The following SDK1 variants were observed in gnomAD, a reference collection of about 807,000 sequenced individuals.
SDK1 encodes the protein protein sidekick-1.
In SDK1, 157 loss-of-function variants were observed where a neutral mutation model predicts 245.5. The ratio of observed to expected loss-of-function variants is 0.64; its 90% CI spans 0.56 to 0.73. The LOEUF is 0.73. SDK1 is among the 30% of genes least tolerant of loss of function. The probability of loss-of-function intolerance (pLI) is 0.00; values close to 1 mark genes in which losing one functional copy is unlikely to be tolerated. For missense variants in SDK1, 3,583 were observed against 3,002.3 expected (o/e 1.19, Z -4.52); for synonymous variants, 1,647 against 1,278.5 (o/e 1.29, Z -6.15).
intron 41 of SDK1, among the ~76,000 whole-genome samples, chr7:4,234,470 A>G (rs915457507): frequency 5.3e-5 from 8 of 152,114 alleles, no homozygotes; most frequent in African/African-American, 1.7e-4. Flanking sequence ...GGGAATCAGG[A>G]AGGTGCCCAA....
At chr7:3,903,253 C>T (rs1206940155) in intron 5 of SDK1, among the ~76,000 whole-genome samples, 1 of 151,536 alleles carries the variant, frequency 6.6e-6, no homozygotes, top group Non-Finnish European at 1.5e-5. Context: ...ACTCCATTCT[C>T]CTGCCTCAGC....
intron 5 of SDK1, among the ~76,000 whole-genome samples, chr7:3,869,382 C>T (rs144183120): frequency 0.046 from 7,004 of 152,148 alleles, 508 homozygotes; most frequent in African/African-American, 0.15. Flanking sequence ...TCTCAAACTC[C>T]TGGCCTCAGG....
intron 5 of SDK1, among the ~76,000 whole-genome samples, chr7:3,880,080 G>A (rs746617708): frequency 2.0e-5 from 3 of 152,178 alleles, no homozygotes; most frequent in African/African-American, 4.8e-5. Flanking sequence ...TGGATGCCAA[G>A]GTCAATCATC....
chr7:3,451,376 G>C (rs1262661573), intron 1 of SDK1, among the ~76,000 whole-genome samples: 1 of 152,088 alleles, frequency 6.6e-6, no homozygotes, highest in African/African-American at 2.4e-5. Context: ...GGCCAGGGAA[G>C]AATGCGAATA....
At chr7:3,990,422 C>T (rs1784208506) in intron 14 of SDK1, among the ~76,000 whole-genome samples, 1 of 152,142 alleles carries the variant, frequency 6.6e-6, no homozygotes, top group Non-Finnish European at 1.5e-5. Flanking sequence ...TCTTAGCTTC[C>T]ATTCAACGGC....
intron 5 of SDK1, among the ~76,000 whole-genome samples, chr7:3,884,071 G>GTTTTTTTTTTTTTTTTTTTT (rs1562511985): frequency 7.2e-6 from 1 of 139,292 alleles, no homozygotes; most frequent in Non-Finnish European, 1.5e-5. Flanking sequence ...TTTTTTGTTT[G>GTTTTTTTTTTTTTTTTTTTT]TTTGTTTTTT....
chr7:3,799,362 G>A (rs953909515), intron 4 of SDK1, among the ~76,000 whole-genome samples: 2 of 151,630 alleles, frequency 1.3e-5, no homozygotes, highest in African/African-American at 4.9e-5. Context: ...CCCCTTCTAA[G>A]TTATTCACTT....
intron 35 of SDK1, among the ~76,000 whole-genome samples, chr7:4,198,133 C>T (rs757796807): frequency 1.3e-5 from 2 of 152,196 alleles, no homozygotes; most frequent in Non-Finnish European, 2.9e-5. Context: ...TCACTTGCCC[C>T]GTAGGGCCTC....
chr7:3,563,201 G>T (rs145319993), intron 1 of SDK1, among the ~76,000 whole-genome samples: 190 of 152,108 alleles, frequency 1.2e-3, no homozygotes, highest in Non-Finnish European at 2.0e-3. Flanking sequence ...GGGGAAGTGG[G>T]ATGGAAAGAA....
chr7:3,356,766 A>G (rs1780807349), intron 1 of SDK1, among the ~76,000 whole-genome samples: 1 of 152,160 alleles, frequency 6.6e-6, no homozygotes, highest in Admixed American at 6.5e-5. Context: ...CAAAAAATAC[A>G]TCTTTCTGAG....
At chr7:3,399,064 T>TC (rs1457039948) in intron 1 of SDK1, among the ~76,000 whole-genome samples, 3 of 152,134 alleles carry the variant, frequency 2.0e-5, no homozygotes, top group Non-Finnish European at 1.5e-5. Context: ...TTATTCTTTC[T>TC]CTCTTCTTTT....
intron 4 of SDK1, among the ~76,000 whole-genome samples, chr7:3,686,790 A>T (rs1048976871): frequency 2.0e-5 from 3 of 152,156 alleles, no homozygotes; most frequent in Non-Finnish European, 4.4e-5. Flanking sequence ...CAGCTTATGT[A>T]TGGAAAGCAT....
At chr7:4,190,305 G>T (rs754617339) in intron 35 of SDK1, among the ~76,000 whole-genome samples, 1 of 152,152 alleles carries the variant, frequency 6.6e-6, no homozygotes, top group South Asian at 2.1e-4. Flanking sequence ...AACTGATGCC[G>T]GTGGGCTGTG....
Position 3,974,403 on chromosome 7 carries a change from C to T in SDK1, c.1852C>T (p.Pro618Ser). 1 of 1,613,998 alleles carries T rather than the reference C, an allele frequency of 6.2e-7. No homozygotes were observed. Among genetic ancestry groups the T allele is most frequent in the Admixed American group, 1.7e-5 (1 of 60,000 alleles). The part of the protein sequence containing the change: ...VWKKDNVALT[P>S]SSTSRIVVEK... ...GAAGAAGGACAACGTGGCCCTGACTCCATCGAGCACGTCTAGGATCGTGGT... is the reference window on the plus strand; with the variant it reads ...GAAGAAGGACAACGTGGCCCTGACTTCATCGAGCACGTCTAGGATCGTGGT... The change falls in exon 13 of 45, where the codon CCA becomes TCA. Residue 618 changes from proline to serine, a missense_variant. Coordinates refer to ENST00000404826, the MANE Select transcript of SDK1 (RefSeq NM_152744.4).
intron 41 of SDK1, among the ~76,000 whole-genome samples, chr7:4,236,106 C>G (rs1205645993): frequency 3.3e-5 from 5 of 152,230 alleles, no homozygotes; most frequent in African/African-American, 1.2e-4. Context: ...GTTCTTCTTC[C>G]CGGTGTGCAC....
At chr7:3,447,956 A>C (rs1403181691) in intron 1 of SDK1, among the ~76,000 whole-genome samples, 1 of 152,040 alleles carries the variant, frequency 6.6e-6, no homozygotes, top group Non-Finnish European at 1.5e-5. Context: ...CACCCACCTC[A>C]GCCTCCCACA....
intron 4 of SDK1, among the ~76,000 whole-genome samples, chr7:3,721,912 T>TAAC (rs1172795316): frequency 1.3e-5 from 2 of 152,194 alleles, no homozygotes; most frequent in Admixed American, 6.5e-5. Flanking sequence ...TCTTCATTAT[T>TAAC]AACAGTAAAT....
intron 1 of SDK1, among the ~76,000 whole-genome samples, chr7:3,586,418 C>A (rs185297566): frequency 6.6e-6 from 1 of 151,850 alleles, no homozygotes; most frequent in East Asian, 1.9e-4. Context: ...GAGGACAGGG[C>A]CGGGCGCGGT....
At chr7:3,637,088 TGTG>T (rs1373877372) in intron 2 of SDK1, among the ~76,000 whole-genome samples, 2 of 140,644 alleles carry the variant, frequency 1.4e-5, no homozygotes, top group East Asian at 4.6e-4. Context: ...CGTGCGCGCG[TGTG>T]TGTGTGTGTG....
Sources: gnomAD v4.1 joint callset for allele counts (sites outside exome capture counted in the v4.1 genomes callset) on GRCh38, gnomAD v4.1.1 for gene constraint, MANE v1.5 for transcripts, NCBI Gene and HGNC (gene_info 2026-07-23, HGNC 2026-07-21) for gene names.